FARS2: variants seen among roughly 807,000 people sequenced by gnomAD.
FARS2 encodes phenylalanyl-tRNA synthetase 2, mitochondrial.
In FARS2, 40 loss-of-function variants were observed where a neutral mutation model predicts 46.4. The observed-to-expected ratio is 0.86, with a 90% CI of 0.67 to 1.12. The LOEUF is 1.12. FARS2 is among the 50% of genes most tolerant of loss of function. The pLI is 0.00. For missense variants in FARS2, 513 were observed against 567.9 expected, an observed-to-expected ratio of 0.90 and a Z score of 0.98; for synonymous variants, 234 against 214.9, an observed-to-expected ratio of 1.09 and a Z score of -0.78.
At chr6:5,342,723 G>A (rs1056496344) in intron 1 of FARS2, among the ~76,000 whole-genome samples, 4 of 150,898 alleles carry the variant, frequency 2.7e-5, no homozygotes, top group African/African-American at 9.8e-5. Flanking sequence ...TTGCCCTCCA[G>A]CCTGGGCAAC....
chr6:5,763,080 T>G (rs1371641036), intron 6 of FARS2, among the ~76,000 whole-genome samples: 1 of 152,170 alleles, frequency 6.6e-6, no homozygotes, highest in Non-Finnish European at 1.5e-5. Context: ...AGCCCCATCA[T>G]CTGCACGATG....
At chr6:5,376,947 T>C (rs1243669246) in intron 2 of FARS2, among the ~76,000 whole-genome samples, 1 of 152,120 alleles carries the variant, frequency 6.6e-6, no homozygotes, top group Non-Finnish European at 1.5e-5. Flanking sequence ...GGAAGGAGGG[T>C]GAATGAGATC....
rs773981175 is a variant in FARS2 at position 5,415,310 on chromosome 6, C to CTTTT, written c.772+10628_772+10631dup. Among the ~76,000 whole-genome samples, 297 of 53,286 alleles carry CTTTT rather than the reference C, an allele frequency of 5.6e-3. 1 individual carries two copies. Among genetic ancestry groups the CTTTT allele is most frequent in the Middle Eastern group, 0.014 (1 of 74 alleles). The allele number at this position is 53,286 out of a possible 152,430, so 35.0% of individuals were successfully genotyped here. A position where few individuals can be genotyped will look rare whatever the true frequency, so the allele number is the denominator to read the frequency against. ...TTTAATTTGTATTTTCTTTTCTTTTCTTTTTTTTTTTTTTTTTTTTTTGAG... is the reference window on the plus strand; with the variant it reads ...TTTAATTTGTATTTTCTTTTCTTTTCTTTTTTTTTTTTTTTTTTTTTTTTTTGAG... On this transcript the variant is annotated intron_variant, in intron 3 of 6. Transcript: ENST00000274680.
chr6:5,272,434 T>C (rs1766026607), intron 1 of FARS2: 1 of 152,226 alleles, frequency 6.6e-6, no homozygotes, highest in Non-Finnish European at 1.5e-5. Flanking sequence ...AGTTGCATTA[T>C]CAAATCAAGG....
intron 6 of FARS2, among the ~76,000 whole-genome samples, chr6:5,741,308 C>T (rs1035299157): frequency 6.6e-6 from 1 of 152,208 alleles, no homozygotes; most frequent in African/African-American, 2.4e-5. Context: ...ACGGGAGATG[C>T]ACAGGGCGTG....
At chr6:5,738,178 C>T (rs115067742) in intron 6 of FARS2, among the ~76,000 whole-genome samples, 3,544 of 152,270 alleles carry the variant, frequency 0.023, 144 homozygotes, top group African/African-American at 0.081. Context: ...TCTCAAACTC[C>T]AGGCTCAAGC....
chr6:5,719,251 C>T (rs1759713635), intron 6 of FARS2, among the ~76,000 whole-genome samples: 1 of 151,904 alleles, frequency 6.6e-6, no homozygotes, highest in African/African-American at 2.4e-5. Context: ...GGTCTGGAGG[C>T]ACACACCTAT....
At chr6:5,318,401 A>C (rs9392075) in intron 1 of FARS2, among the ~76,000 whole-genome samples, 3 of 135,548 alleles carry the variant, frequency 2.2e-5, no homozygotes, top group Non-Finnish European at 3.4e-5. Context: ...AAAAAAAAAA[A>C]AAAAAACCCT....
intron 3 of FARS2, among the ~76,000 whole-genome samples, chr6:5,408,757 A>T (rs1761761316): frequency 6.6e-6 from 1 of 152,230 alleles, no homozygotes; most frequent in Non-Finnish European, 1.5e-5. Flanking sequence ...CAGGGAGCAC[A>T]TGACGAAAGA....
intron 5 of FARS2, among the ~76,000 whole-genome samples, chr6:5,560,008 A>C (rs7765654): frequency 0.073 from 11,129 of 152,184 alleles, 540 homozygotes; most frequent in East Asian, 0.19. Flanking sequence ...TTGTAGATCT[A>C]AATGTGAAAA....
At chr6:5,634,731 A>C (rs527975913) in intron 6 of FARS2, among the ~76,000 whole-genome samples, 102 of 152,356 alleles carry the variant, frequency 6.7e-4, no homozygotes, top group South Asian at 5.8e-3. Flanking sequence ...TTCAGAGCAG[A>C]GTAGCCCACG....
At chr6:5,379,564 C>G (rs968784792) in intron 2 of FARS2, among the ~76,000 whole-genome samples, 3 of 152,182 alleles carry the variant, frequency 2.0e-5, no homozygotes, top group African/African-American at 7.2e-5. Context: ...CTGTGGTTCA[C>G]TGAGTGGCTC....
chr6:5,692,435 C>G (rs1327041627), intron 6 of FARS2, among the ~76,000 whole-genome samples: 1 of 152,294 alleles, frequency 6.6e-6, no homozygotes, highest in African/African-American at 2.4e-5. Context: ...CATATATTCA[C>G]TGCTTTGGCC....
chr6:5,323,123 A>G (rs1038590305), intron 1 of FARS2, among the ~76,000 whole-genome samples: 8 of 152,124 alleles, frequency 5.3e-5, no homozygotes, highest in African/African-American at 1.9e-4. Flanking sequence ...TTGAGGGGAA[A>G]ATTAATTATT....
chr6:5,282,483 A>G (rs945738107), intron 1 of FARS2, among the ~76,000 whole-genome samples: 1 of 152,090 alleles, frequency 6.6e-6, no homozygotes. Context: ...GCATATGGGG[A>G]AGGGAGACAA....
intron 6 of FARS2, among the ~76,000 whole-genome samples, chr6:5,666,772 A>G (rs1035728166): frequency 2.0e-5 from 3 of 152,200 alleles, no homozygotes; most frequent in South Asian, 2.1e-4. Context: ...ACACATGCAC[A>G]TGTGTATTCG....
chr6:5,710,058 C>T (rs1759045195), intron 6 of FARS2, among the ~76,000 whole-genome samples: 2 of 152,328 alleles, frequency 1.3e-5, no homozygotes, highest in South Asian at 4.1e-4. Context: ...CCCTTGTCTC[C>T]TGAGATGAGT....
intron 4 of FARS2, among the ~76,000 whole-genome samples, chr6:5,506,293 G>C (rs1240365397): frequency 1.3e-5 from 2 of 152,200 alleles, no homozygotes; most frequent in African/African-American, 4.8e-5. Flanking sequence ...TAAAGGGCAG[G>C]GTGTGGGGTC....
At chr6:5,399,054 A>G (rs527343083) in intron 2 of FARS2, among the ~76,000 whole-genome samples, 122 of 151,420 alleles carry the variant, frequency 8.1e-4, no homozygotes, top group Non-Finnish European at 1.3e-3. Flanking sequence ...TTTATTTAGA[A>G]TAAACTTCTG....
Sources: allele counts gnomAD v4.1 joint callset (sites outside exome capture counted in the v4.1 genomes callset), GRCh38; gene constraint gnomAD v4.1.1; transcripts MANE v1.5; gene names NCBI Gene and HGNC (gene_info 2026-07-23, HGNC 2026-07-21).